The following REV3L variants were observed in gnomAD, a reference collection of about 807,000 sequenced individuals.
REV3L encodes the protein DNA polymerase zeta catalytic subunit.
A neutral mutation model predicts 299.4 loss-of-function variants in REV3L; 69 were observed. That is an observed-to-expected ratio of 0.23 (90% confidence interval 0.19 to 0.28). The LOEUF (loss-of-function observed/expected upper bound fraction) is 0.28. Ranked by LOEUF, REV3L falls within the 10% of genes least tolerant of loss-of-function variation. REV3L has a pLI of 1.00. For missense variants in REV3L, 3,128 were observed against 3,693.8 expected, an observed-to-expected ratio of 0.85 and a Z score of 3.97; for synonymous variants, 1,238 against 1,271.4, an observed-to-expected ratio of 0.97 and a Z score of 0.56.
rs17511567 is a variant in REV3L at position 111,305,853 on chromosome 6, A to T, written c.9252+1508T>A. Among the ~76,000 whole-genome samples the T allele has an allele frequency of 3.9e-3, 596 of 152,294 alleles. 5 individuals are homozygous for T. The highest frequency in any genetic ancestry group is 0.014 in the African/African-American group (562 of 41,568). ...GAGAGTTGGCTGCTGCCATCAGGAC[A>T]GAAGTCTATTAAATAAATAGAAGCT... On this transcript the variant is annotated intron_variant, in intron 31 of 31. Coordinates refer to ENST00000368802, the MANE Select transcript of REV3L (RefSeq NM_001372078.1).
chr6:111,474,947 G>A (rs898065519), intron 1 of REV3L, among the ~76,000 whole-genome samples: 6 of 149,082 alleles, frequency 4.0e-5, no homozygotes, highest in African/African-American at 1.0e-4. Context: ...AGACTCTCCC[G>A]TATCCTCCCA....
chr6:111,331,144 T>G (rs952476983), intron 24 of REV3L: 2 of 436,224 alleles, frequency 4.6e-6, no homozygotes, highest in African/African-American at 4.3e-5. Flanking sequence ...GTCTTTAATT[T>G]GTAAAGTTTT....
rs971329297 is a variant in REV3L, at chr6:111,299,675, C to A, written c.*341G>T. 9 of 164,646 alleles carry A rather than the reference C, an allele frequency of 5.5e-5. No individual in the cohort carries two copies. In the East Asian group the frequency reaches 1.5e-3, roughly 28 times the overall value. The allele number at this position is 164,646 out of a possible 1,614,324, so 10.2% of individuals were successfully genotyped here. Reference sequence around the variant, plus strand: ...ACAGTTCAAGGAAAACACACAAATGCTTTTTCTTTAAGAGGTTTTCAGTGC... The same window carrying A: ...ACAGTTCAAGGAAAACACACAAATGATTTTTCTTTAAGAGGTTTTCAGTGC... On this transcript the variant is annotated 3_prime_UTR_variant, in exon 32 of 32. Transcript: ENST00000368802.
At chr6:111,302,815 T>C (rs575847534) in intron 31 of REV3L, among the ~76,000 whole-genome samples, 1 of 152,250 alleles carries the variant, frequency 6.6e-6, no homozygotes, top group African/African-American at 2.4e-5. Flanking sequence ...GGCAGGAGAA[T>C]TGCTTGAACC....
rs768017978 is a variant in REV3L at position 111,372,861 on chromosome 6, C to G, written c.5494G>C (p.Val1832Leu). The change falls in exon 13 of 32, where the codon GTG becomes CTG. Residue 1832 changes from valine (V) to leucine (L), a missense_variant. This residue lies in a region of REV3L where 2,409 missense variants were observed against 2,611.8 expected (regional missense o/e 0.92). Transcript: ENST00000368802. ...TACAGTTCTAAATCTTCACAGGCCACGTCTACAAGTTCACCATCAGGGGAG... is the reference window on the plus strand; with the variant it reads ...TACAGTTCTAAATCTTCACAGGCCAGGTCTACAAGTTCACCATCAGGGGAG... ...LSSPDGELVDVACEDLELYVS... is the reference protein window; with the variant it reads ...LSSPDGELVDLACEDLELYVS... 5.6e-6 allele frequency: 9 copies of G among 1,613,972 alleles called. No individual in the cohort carries two copies. Among genetic ancestry groups the G allele is most frequent in the Non-Finnish European group, 7.6e-6 (9 of 1,180,000 alleles).
chr6:111,444,203 C>T (rs568298566), intron 1 of REV3L, among the ~76,000 whole-genome samples: 1 of 152,216 alleles, frequency 6.6e-6, no homozygotes, highest in Non-Finnish European at 1.5e-5. Context: ...ACTGATTGCC[C>T]ATTGCATAGT....
rs1482273260 is a variant in REV3L, at chr6:111,303,713, T to A, written c.9253-3557A>T. Among the ~76,000 whole-genome samples the A allele has an allele frequency of 2.3e-3, 126 of 54,390 alleles. 4 individuals carry two copies. Among genetic ancestry groups the A allele is most frequent in the Non-Finnish European group, 5.0e-3 (119 of 23,634 alleles). 35.7% of individuals were successfully genotyped at this position (54,390 alleles called of 152,430 possible). A position where few individuals can be genotyped will look rare whatever the true frequency, so the allele number is the denominator to read the frequency against. ...TAACAGACTATGACTTTTTTTTTTTTTTTTTTTTTTTTTTTTTTTTTTTTA... is the reference window on the plus strand; with the variant it reads ...TAACAGACTATGACTTTTTTTTTTTATTTTTTTTTTTTTTTTTTTTTTTTA... On this transcript the variant is annotated intron_variant, in intron 31 of 31. Transcript: ENST00000368802.
upstream of REV3L, chr6:111,483,250 G>GGTGTGT: frequency 2.1e-6 from 1 of 485,724 alleles, no homozygotes; most frequent in South Asian, 3.4e-5. Context: ...GGGAGAGGGG[G>GGTGTGT]GTGTGTGTGG....
At position 111,357,280 on chromosome 6, in the gene REV3L, C is replaced by T. The variant is rs77717791; in HGVS notation, c.7073-155G>A. On this transcript the variant is annotated intron_variant, in intron 17 of 31. Coordinates refer to ENST00000368802, the MANE Select transcript of REV3L (RefSeq NM_001372078.1). The stretch of plus-strand genomic sequence containing the variant: ...TCTCCCCAAGTGAAAACATAACTAA[C>T]TCAATGTCTTTAAAAAACTCTCAAA... Among the ~76,000 whole-genome samples the T allele has an allele frequency of 5.7e-3, 873 of 152,174 alleles. 4 individuals carry two copies. The highest frequency in any genetic ancestry group is 9.5e-3 in the Non-Finnish European group (644 of 67,996).
intron 23 of REV3L, among the ~76,000 whole-genome samples, chr6:111,332,669 GTTA>G (rs1442544069): frequency 6.6e-6 from 1 of 152,084 alleles, no homozygotes; most frequent in Non-Finnish European, 1.5e-5. Flanking sequence ...AATTTAAAAT[GTTA>G]TTATCAGTTT....
chr6:111,475,148 T>C (rs897218586), intron 1 of REV3L, among the ~76,000 whole-genome samples: 2 of 150,846 alleles, frequency 1.3e-5, no homozygotes, highest in South Asian at 2.1e-4. Flanking sequence ...TTGCTTTTTT[T>C]CCTCATATCT....
rs187233173 is a variant in REV3L at position 111,370,041 on chromosome 6, C to A, written c.5760-2013G>T. 5.1e-4 allele frequency among the ~76,000 whole-genome samples: 77 copies of A among 152,206 alleles called. 1 individual carries two copies. In the East Asian group the frequency reaches 0.014, roughly 28 times the overall value. ...AGAGATGGGGTTTCACCATGTTGGC[C>A]AGGATGGTCTCGATCTCCTGACCTT... On this transcript the variant is annotated intron_variant, in intron 13 of 31. Transcript: ENST00000368802.
At position 111,381,523 on chromosome 6, in the gene REV3L, G is replaced by C. The variant is rs1780827955; in HGVS notation, c.1097-79C>G. On this transcript the variant is annotated intron_variant, in intron 9 of 31. Coordinates refer to ENST00000368802, the MANE Select transcript of REV3L (RefSeq NM_001372078.1). Reference sequence around the variant, plus strand: ...TATCATTTAGAATTTGTGTAAATTTGGAAGCATTACCATATAAACCTATTT... The same window carrying C: ...TATCATTTAGAATTTGTGTAAATTTCGAAGCATTACCATATAAACCTATTT... 5 of 1,236,834 alleles carry C rather than the reference G, an allele frequency of 4.0e-6. No homozygotes were observed. The Admixed American group carries it at 1.2e-4, about 30-fold the overall frequency. 76.6% of individuals were successfully genotyped at this position (1,236,834 alleles called of 1,614,324 possible).
At chr6:111,437,531 T>A (rs1243832965) in intron 1 of REV3L, among the ~76,000 whole-genome samples, 3 of 151,352 alleles carry the variant, frequency 2.0e-5, no homozygotes, top group Admixed American at 1.3e-4. Flanking sequence ...AATTAAAATA[T>A]TTTAATTTTA....
chr6:111,341,039 CT>C (rs5879104), intron 21 of REV3L, among the ~76,000 whole-genome samples: 51 of 131,848 alleles, frequency 3.9e-4, no homozygotes, highest in African/African-American at 5.6e-4. Flanking sequence ...TTCTCCTCAG[CT>C]TTTTTTTTTT....
At chr6:111,351,866 G>A in intron 18 of REV3L, 75 bp from the exon 19 acceptor site, 1 of 996,464 alleles carries the variant, frequency 1.0e-6, no homozygotes, top group Non-Finnish European at 1.5e-6. Context: ...GTTTCTTCAT[G>A]ATATAAGGTA....
intron 15 of REV3L, 33 bp downstream of exon 15, chr6:111,365,232 C>G: frequency 8.2e-7 from 1 of 1,224,844 alleles, no homozygotes; most frequent in Admixed American, 2.5e-5. Flanking sequence ...ACTGGCTCTT[C>G]CACTGATCTT....
intron 31 of REV3L, among the ~76,000 whole-genome samples, chr6:111,303,320 C>T (rs1230356638): frequency 4.9e-5 from 7 of 143,670 alleles, no homozygotes; most frequent in Admixed American, 2.1e-4. Flanking sequence ...TGCGGGTGCC[C>T]GCCACCATGC....
At chr6:111,360,470 C>T (rs431299) in intron 16 of REV3L, among the ~76,000 whole-genome samples, 58,202 of 130,750 alleles carry the variant, frequency 0.45, 14,415 homozygotes, top group Non-Finnish European at 0.56. Flanking sequence ...GTTAAATAAT[C>T]TTTTTTTTTT....
Sources: gnomAD v4.1 joint callset for allele counts (sites outside exome capture counted in the v4.1 genomes callset) on GRCh38, gnomAD v4.1.1 for gene constraint, gnomAD v4.1.1 regional missense constraint, MANE v1.5 for transcripts, NCBI Gene and HGNC (gene_info 2026-07-23, HGNC 2026-07-21) for gene names.